TVP23C: variants seen among roughly 807,000 people sequenced by gnomAD.
TVP23C encodes the protein Golgi apparatus membrane protein TVP23 homolog C.
A neutral mutation model predicts 28.7 loss-of-function variants in TVP23C; 19 were observed. That is an observed-to-expected ratio of 0.66 (90% confidence interval 0.46 to 0.97). The LOEUF is 0.97. Ranked by LOEUF, TVP23C falls within the 50% of genes least tolerant of loss-of-function variation. The pLI is 0.00. For synonymous variants in TVP23C, 68 were observed against 81.7 expected (o/e 0.83, Z 0.90); for missense variants, 186 against 241.3 (o/e 0.77, Z 1.52).
chr17:15,550,033 T>A lies in TVP23C; in HGVS notation c.241-2885A>T, dbSNP rs1006483256. 4.6e-5 allele frequency among the ~76,000 whole-genome samples: 7 copies of A among 152,318 alleles called. No individual in the cohort carries two copies. In the East Asian group the frequency reaches 7.7e-4, roughly 17 times the overall value. On this transcript the variant is annotated intron_variant, in intron 3 of 5. Transcript: ENST00000518321. ...AACTCTTCTGTTTCCATTTTCTAAC[T>A]CTTTATTTCCTGCTTTTATCTTTAT...
chr17:15,557,911 T>C (rs946420222), intron 1 of TVP23C, among the ~76,000 whole-genome samples: 5 of 145,066 alleles, frequency 3.4e-5, no homozygotes, highest in African/African-American at 1.2e-4. Flanking sequence ...TAAGAAATGG[T>C]CAAGTAGCTC....
At chr17:15,510,829 G>C (rs1318354416) in intron 5 of TVP23C, among the ~76,000 whole-genome samples, 1 of 152,044 alleles carries the variant, frequency 6.6e-6, no homozygotes, top group East Asian at 1.9e-4. Context: ...GAGGCCGAGG[G>C]CAGATCATGA....
intron 5 of TVP23C, among the ~76,000 whole-genome samples, chr17:15,508,744 A>G (rs1175281272): frequency 6.6e-6 from 1 of 152,214 alleles, no homozygotes; most frequent in Non-Finnish European, 1.5e-5. Flanking sequence ...TAATGTTTAA[A>G]AATACTTCTG....
At chr17:15,546,145 C>T (rs57644095) in intron 4 of TVP23C, among the ~76,000 whole-genome samples, 2 of 151,966 alleles carry the variant, frequency 1.3e-5, no homozygotes, top group African/African-American at 2.4e-5. Context: ...TTTACCACAA[C>T]TCATGACAGT....
chr17:15,563,066 C>G (rs1017662429), intron 1 of TVP23C: 11 of 320,630 alleles, frequency 3.4e-5, no homozygotes, highest in African/African-American at 1.9e-4. Flanking sequence ...GCGGTGTCGC[C>G]GATTCCTACA....
rs1346098832 is a variant in TVP23C, at chr17:15,560,255, G to A, written c.12+3182C>T. On this transcript the variant is annotated intron_variant, in intron 1 of 5. Transcript: ENST00000518321. ...TAATTTTTGTATTTTTAGTAGAGAC[G>A]GGGTTTCACCATGTTGGCCAGGATG... is the stretch of plus-strand genomic sequence containing the variant. 2.7e-5 allele frequency among the ~76,000 whole-genome samples: 4 copies of A among 148,910 alleles called. No individual in the cohort carries two copies. The South Asian group carries it at 6.5e-4, about 24-fold the overall frequency.
At chr17:15,553,495 CATCT>C (rs1983984785) in intron 3 of TVP23C, among the ~76,000 whole-genome samples, 186 bp downstream of exon 3, 1 of 144,296 alleles carries the variant, frequency 6.9e-6, no homozygotes. Flanking sequence ...CTACATGTCT[CATCT>C]TGTATTGTCA....
chr17:15,556,003 GC>G (rs1984114742), intron 1 of TVP23C, among the ~76,000 whole-genome samples: 1 of 152,108 alleles, frequency 6.6e-6, no homozygotes, highest in African/African-American at 2.4e-5. Context: ...TGCAACCTCC[GC>G]CTCCCGGGTT....
intron 2 of TVP23C, among the ~76,000 whole-genome samples, chr17:15,554,988 T>G (rs1002098613): frequency 6.6e-6 from 1 of 152,212 alleles, no homozygotes; most frequent in Non-Finnish European, 1.5e-5. Flanking sequence ...AAATGTAAAG[T>G]ATCTACAGAA....
At chr17:15,505,029 G>A (rs1461512841) in intron 5 of TVP23C, among the ~76,000 whole-genome samples, 1 of 152,156 alleles carries the variant, frequency 6.6e-6, no homozygotes, top group Non-Finnish European at 1.5e-5. Flanking sequence ...AGGCCACACA[G>A]ACCCACAGTT....
chr17:15,542,851 T>C (rs761946824), intron 5 of TVP23C, among the ~76,000 whole-genome samples: 41 of 152,202 alleles, frequency 2.7e-4, no homozygotes, highest in Non-Finnish European at 4.3e-4. Context: ...GGTGATTACC[T>C]TGAGCAGTAG....
At chr17:15,545,969 G>A in intron 4 of TVP23C, 53 bp from the exon 5 acceptor site, 1 of 1,581,324 alleles carries the variant, frequency 6.3e-7, no homozygotes, top group Non-Finnish European at 8.6e-7. Context: ...TCAATAAAAA[G>A]TTCAACATAT....
chr17:15,538,966 AT>A lies in TVP23C; in HGVS notation c.*1445del. ...TCTGTGAGAGAAACTGTACAGTAGAATAAAAAGAACAATAAATTTTGAGTAC... is the reference window on the plus strand; with the variant it reads ...TCTGTGAGAGAAACTGTACAGTAGAAAAAAAGAACAATAAATTTTGAGTAC... On this transcript the variant is annotated 3_prime_UTR_variant, in exon 6 of 6. Transcript: ENST00000518321. 1 of 985,840 alleles carries A rather than the reference AT, an allele frequency of 1.0e-6. No individual in the cohort carries two copies. The highest frequency in any genetic ancestry group is 1.2e-6 in the Non-Finnish European group (1 of 829,904). 61.1% of individuals were successfully genotyped at this position (985,840 alleles called of 1,614,324 possible).
At position 15,539,100 on chromosome 17, in the gene TVP23C, C is replaced by A. The variant is rs1983288793; in HGVS notation, c.*1312G>T. 1 of 973,408 alleles carries A rather than the reference C, an allele frequency of 1.0e-6. No individual in the cohort carries two copies. Among genetic ancestry groups the A allele is most frequent in the Non-Finnish European group, 1.2e-6 (1 of 819,228 alleles). The allele number at this position is 973,408 out of a possible 1,614,324, so 60.3% of individuals were successfully genotyped here. Reference sequence around the variant, plus strand: ...GTTATCTAAAATGTAATCCCTGGACCAGTGCCCTCAGTACCACCCAGAAAC... The same window carrying A: ...GTTATCTAAAATGTAATCCCTGGACAAGTGCCCTCAGTACCACCCAGAAAC... On this transcript the variant is annotated 3_prime_UTR_variant, in exon 6 of 6. Transcript: ENST00000518321.
At chr17:15,510,350 C>T (rs1981946721) in intron 5 of TVP23C, among the ~76,000 whole-genome samples, 1 of 152,182 alleles carries the variant, frequency 6.6e-6, no homozygotes, top group Non-Finnish European at 1.5e-5. Flanking sequence ...CACTTATCAA[C>T]ACAAGACGTA....
rs146160169 is a variant in TVP23C at position 15,550,687 on chromosome 17, T to C, written c.240+2998A>G. Among the ~76,000 whole-genome samples, 621 of 152,376 alleles carry C rather than the reference T, an allele frequency of 4.1e-3. 3 individuals are homozygous for C. Among genetic ancestry groups the C allele is most frequent in the Middle Eastern group, 6.8e-3 (2 of 294 alleles). On this transcript the variant is annotated intron_variant, in intron 3 of 5. Coordinates refer to ENST00000518321, the MANE Select transcript of TVP23C (RefSeq NM_001135036.2). ...TGTGAATGATCTTCACTGTGATTCA[T>C]AAAATCACCTTTTTTTGTTCCTCTT...
intron 4 of TVP23C, 44 bp from the exon 5 acceptor site, chr17:15,545,960 CAAT>C (rs1463544513): frequency 6.3e-7 from 1 of 1,587,148 alleles, no homozygotes; most frequent in Non-Finnish European, 8.6e-7. Context: ...TGAAATTTAT[CAAT>C]AAAAAGTTCA....
At chr17:15,556,577 G>A (rs1984143113) in intron 1 of TVP23C, among the ~76,000 whole-genome samples, 2 of 151,832 alleles carry the variant, frequency 1.3e-5, no homozygotes, top group African/African-American at 4.8e-5. Flanking sequence ...TTAACCAGGA[G>A]ATTTCATGAC....
At chr17:15,506,048 G>A (rs184906893) in intron 5 of TVP23C, among the ~76,000 whole-genome samples, 1,870 of 152,332 alleles carry the variant, frequency 0.012, 35 homozygotes, top group African/African-American at 0.042. Context: ...CAGTTCCATC[G>A]ACCACCCAAG....
Sources: allele counts gnomAD v4.1 joint callset (sites outside exome capture counted in the v4.1 genomes callset), GRCh38; gene constraint gnomAD v4.1.1; transcripts MANE v1.5; gene names NCBI Gene and HGNC (gene_info 2026-07-23, HGNC 2026-07-21).